Variants in ABCA13 observed in about 807,000 individuals in gnomAD.
The protein encoded by ABCA13 is ATP binding cassette subfamily A member 13.
A neutral mutation model predicts 478.7 loss-of-function variants in ABCA13; 476 were observed. The ratio of observed to expected loss-of-function variants is 0.99; its 90% CI spans 0.92 to 1.07. ABCA13 has a LOEUF of 1.07. Ranked by LOEUF, ABCA13 falls within the 50% of genes least tolerant of loss-of-function variation. The pLI is 0.00. For synonymous variants in ABCA13, 2,252 were observed against 2,158.9 expected (o/e 1.04, Z -1.20); for missense variants, 6,060 against 5,910.6 (o/e 1.03, Z -0.83).
chr7:48,441,435 T>G (rs1024578714), intron 42 of ABCA13, among the ~76,000 whole-genome samples: 1 of 152,238 alleles, frequency 6.6e-6, no homozygotes, highest in African/African-American at 2.4e-5. Flanking sequence ...ATGCCATATG[T>G]CTTCAGAAAT....
chr7:48,608,852 A>G (rs1382086274), intron 58 of ABCA13, among the ~76,000 whole-genome samples: 2 of 152,160 alleles, frequency 1.3e-5, no homozygotes, highest in African/African-American at 4.8e-5. Context: ...TGAAATGGCT[A>G]TTTTTGTTAA....
At chr7:48,401,829 G>A (rs1397286304) in intron 38 of ABCA13, among the ~76,000 whole-genome samples, 1 of 151,120 alleles carries the variant, frequency 6.6e-6, no homozygotes, top group Non-Finnish European at 1.5e-5. Flanking sequence ...AATTCAAAGT[G>A]CATCAGGAAA....
intron 55 of ABCA13, among the ~76,000 whole-genome samples, chr7:48,547,492 A>G (rs1408601377): frequency 1.3e-5 from 2 of 151,832 alleles, no homozygotes; most frequent in Non-Finnish European, 2.9e-5. Context: ...AGTCGGCCCC[A>G]TGTAGATCTG....
chr7:48,457,763 A>G (rs1825830142), intron 43 of ABCA13, among the ~76,000 whole-genome samples: 1 of 152,234 alleles, frequency 6.6e-6, no homozygotes, highest in South Asian at 2.1e-4. Context: ...CAGTGATTGC[A>G]AGTGCCCCAC....
rs773029100 is a variant in ABCA13, at chr7:48,389,219, A to C, written c.11653A>C (p.Ile3885Leu). The change falls in exon 37 of 62, where the codon ATA (isoleucine) becomes CTA (leucine). Residue 3885 changes from isoleucine to leucine, a missense_variant and splice_region_variant. Ile to Leu is a conservative substitution (Grantham distance 5). This residue lies in a region of ABCA13 where 1,627 missense variants were observed against 1,571.0 expected (regional missense o/e 1.04). Coordinates refer to ENST00000435803, the MANE Select transcript of ABCA13 (RefSeq NM_152701.5). ...GTNGAGKTTIISMLTGLHPPT... is the reference protein window; with the variant it reads ...GTNGAGKTTILSMLTGLHPPT... ...AAACGGTGCCGGGAAAACCACTATC[A>C]TGTGGGTCCCATTTTACCCTTATCA... 2 of 1,612,626 alleles carry C rather than the reference A, an allele frequency of 1.2e-6. No homozygotes were observed. The highest frequency in any genetic ancestry group is 1.7e-6 in the Non-Finnish European group (2 of 1,179,212).
chr7:48,593,262 A>ATG (rs376478661), intron 57 of ABCA13, among the ~76,000 whole-genome samples: 9 of 125,458 alleles, frequency 7.2e-5, no homozygotes, highest in Non-Finnish European at 1.2e-4. Context: ...GTGTGTGTGT[A>ATG]TGTGTGTGTG....
chr7:48,369,189 A>G (rs1471121821), intron 32 of ABCA13, among the ~76,000 whole-genome samples: 1 of 151,996 alleles, frequency 6.6e-6, no homozygotes, highest in Admixed American at 6.6e-5. Context: ...TTTGTTGACC[A>G]TTTGTCTATC....
chr7:48,374,303 T>C (rs919233414), intron 33 of ABCA13, 44 bp from the exon 34 acceptor site: 7 of 1,558,978 alleles, frequency 4.5e-6, no homozygotes, highest in Non-Finnish European at 5.2e-6. Context: ...GTGGTCCCAA[T>C]CAAAACACTA....
intron 27 of ABCA13, among the ~76,000 whole-genome samples, chr7:48,330,023 A>G (rs1056085568): frequency 6.9e-6 from 1 of 144,636 alleles, no homozygotes; most frequent in Non-Finnish European, 1.5e-5. Flanking sequence ...TCATCCATTG[A>G]TCTATTTATC....
At chr7:48,224,282 C>A (rs1447785432) in intron 5 of ABCA13, among the ~76,000 whole-genome samples, 1 of 152,206 alleles carries the variant, frequency 6.6e-6, no homozygotes, top group African/African-American at 2.4e-5. Context: ...CCCATTGCAA[C>A]CCACAGCTGG....
At chr7:48,514,881 G>A (rs1034566451) in intron 51 of ABCA13, among the ~76,000 whole-genome samples, 1 of 152,138 alleles carries the variant, frequency 6.6e-6, no homozygotes, top group African/African-American at 2.4e-5. Flanking sequence ...CCTCCATTGT[G>A]TGCTTTGAAA....
At chr7:48,557,960 A>C (rs1000911340) in intron 55 of ABCA13, among the ~76,000 whole-genome samples, 2 of 151,962 alleles carry the variant, frequency 1.3e-5, no homozygotes, top group Non-Finnish European at 2.9e-5. Context: ...GCTATTTTCT[A>C]AATCTTATAT....
chr7:48,311,699 T>A (rs1006101903), intron 24 of ABCA13, among the ~76,000 whole-genome samples: 1 of 152,200 alleles, frequency 6.6e-6, no homozygotes, highest in Admixed American at 6.5e-5. Context: ...AGCTCTTATT[T>A]ATCAGGTACC....
chr7:48,461,365 T>C (rs1179375836), intron 43 of ABCA13, among the ~76,000 whole-genome samples: 1 of 152,206 alleles, frequency 6.6e-6, no homozygotes, highest in Non-Finnish European at 1.5e-5. Flanking sequence ...CGACTTTGCA[T>C]GTCCAGTTGG....
intron 59 of ABCA13, among the ~76,000 whole-genome samples, chr7:48,631,192 T>C (rs116028362): frequency 0.016 from 2,384 of 152,236 alleles, 53 homozygotes; most frequent in African/African-American, 0.053. Flanking sequence ...TTTATTTTTG[T>C]TGGAATTGCT....
chr7:48,283,433 A>G (rs9691909), intron 19 of ABCA13, among the ~76,000 whole-genome samples: 5,998 of 152,186 alleles, frequency 0.039, 308 homozygotes, highest in African/African-American at 0.12. Flanking sequence ...GAAGACCTTG[A>G]GGGTGCAGTT....
At chr7:48,410,406 A>T (rs1328182795) in intron 39 of ABCA13, 114 bp from the exon 40 acceptor site, 4 of 1,345,900 alleles carry the variant, frequency 3.0e-6, no homozygotes, top group Non-Finnish European at 3.1e-6. Flanking sequence ...TCAGTTTGAA[A>T]ATTGGTGAGG....
intron 7 of ABCA13, among the ~76,000 whole-genome samples, chr7:48,230,575 C>G (rs2128990920): frequency 6.6e-6 from 1 of 152,264 alleles, no homozygotes; most frequent in South Asian, 2.1e-4. Context: ...ATTCATCCAC[C>G]CATTTATCTG....
At chr7:48,184,954 GC>G (rs1417568786) in intron 1 of ABCA13, among the ~76,000 whole-genome samples, 2 of 152,158 alleles carry the variant, frequency 1.3e-5, no homozygotes, top group African/African-American at 4.8e-5. Context: ...TCCTGCCTCA[GC>G]CCCCCAAGTA....
Sources: gnomAD v4.1 joint callset for allele counts (sites outside exome capture counted in the v4.1 genomes callset) on GRCh38, gnomAD v4.1.1 for gene constraint, gnomAD v4.1.1 regional missense constraint, MANE v1.5 for transcripts, NCBI Gene and HGNC (gene_info 2026-07-23, HGNC 2026-07-21) for gene names.